The following PSMA5 variants were observed in gnomAD, a reference collection of about 807,000 sequenced individuals.
PSMA5 encodes proteasome subunit alpha type-5.
PSMA5 carries 3 observed loss-of-function variants against 34.5 expected under a neutral mutation model. The observed-to-expected ratio is 0.09, with a 90% confidence interval of 0.04 to 0.22. The LOEUF is 0.22. Ranked by LOEUF, PSMA5 falls within the 10% of genes least tolerant of loss-of-function variation. The probability of loss-of-function intolerance (pLI) is 1.00; values close to 1 mark genes in which losing one functional copy is unlikely to be tolerated. For synonymous variants in PSMA5, 88 were observed against 95.8 expected (o/e 0.92, Z 0.47); for missense variants, 120 against 286.1 (o/e 0.42, Z 4.19).
In PSMA5 at chr1:109,415,217, A is replaced by G; in HGVS notation, c.223+20T>C. On this transcript the variant is annotated intron_variant, in intron 3 of 8. Transcript: ENST00000271308. ...TAACCCAGACCAGATCCTACAGAACAGCTTTCCTCCACTCCTTACCTATGT... is the reference window on the plus strand; with the variant it reads ...TAACCCAGACCAGATCCTACAGAACGGCTTTCCTCCACTCCTTACCTATGT... The G allele has an allele frequency of 6.2e-7, 1 of 1,608,818 alleles. No homozygotes were observed. Among genetic ancestry groups the G allele is most frequent in the South Asian group, 1.1e-5 (1 of 90,250 alleles).
chr1:109,419,128 G>A (rs1654335487), intron 2 of PSMA5, among the ~76,000 whole-genome samples: 1 of 152,104 alleles, frequency 6.6e-6, no homozygotes, highest in East Asian at 1.9e-4. Flanking sequence ...ACTCCAGCCT[G>A]GGCAACAAGA....
At chr1:109,416,068 TAAG>T (rs921053207) in intron 2 of PSMA5, among the ~76,000 whole-genome samples, 11 of 152,082 alleles carry the variant, frequency 7.2e-5, no homozygotes, top group South Asian at 2.1e-4. Context: ...ACAATAATAA[TAAG>T]AAGGGTAAAC....
chr1:109,399,829 A>G lies in PSMA5; in HGVS notation c.*2184T>C, dbSNP rs1469176902. On this transcript the variant is annotated 3_prime_UTR_variant, in exon 9 of 9. Coordinates refer to ENST00000271308, the MANE Select transcript of PSMA5 (RefSeq NM_002790.4). ...TCTAATGAGATTGACATTAAATATA[A>G]AAGTGGCACTGTCAGTTCTCCTTTG... 6.6e-6 allele frequency: 1 copy of G among 152,244 alleles called. No homozygotes were observed. Among genetic ancestry groups the G allele is most frequent in the African/African-American group, 2.4e-5 (1 of 41,472 alleles). The allele number at this position is 152,244 out of a possible 1,614,324, so 9.4% of individuals were successfully genotyped here.
Position 109,401,081 on chromosome 1 carries a change from G to T in PSMA5, c.*932C>A, listed in dbSNP as rs1252053037. The stretch of plus-strand genomic sequence containing the variant: ...TCTTCCCGTGGTAATTTTTGAGGCT[G>T]AGATAGAATGATTCTTTAAACAATC... On this transcript the variant is annotated 3_prime_UTR_variant, in exon 9 of 9. Transcript: ENST00000271308. 6.6e-6 allele frequency: 1 copy of T among 152,218 alleles called. No individual in the cohort carries two copies. Among genetic ancestry groups the T allele is most frequent in the Non-Finnish European group, 1.5e-5 (1 of 68,038 alleles). The allele number at this position is 152,218 out of a possible 1,614,324, so 9.4% of individuals were successfully genotyped here. A position where few individuals can be genotyped will look rare whatever the true frequency, so the allele number is the denominator to read the frequency against.
chr1:109,411,311 C>T (rs1452930930), intron 6 of PSMA5, among the ~76,000 whole-genome samples, 198 bp from the exon 7 acceptor site: 2 of 152,132 alleles, frequency 1.3e-5, no homozygotes, highest in Non-Finnish European at 2.9e-5. Flanking sequence ...AAATTAGTAC[C>T]TTCCTTAGGG....
At chr1:109,412,928 C>A in intron 4 of PSMA5, 140 bp downstream of exon 4, 1 of 670,010 alleles carries the variant, frequency 1.5e-6, no homozygotes, top group African/African-American at 1.8e-5. Flanking sequence ...GAAGTTCTAA[C>A]TGGGAATTCT....
chr1:109,407,789 G>A (rs1045291109), intron 8 of PSMA5, among the ~76,000 whole-genome samples: 3 of 151,836 alleles, frequency 2.0e-5, no homozygotes, highest in Non-Finnish European at 4.4e-5. Flanking sequence ...TTACAGGCAC[G>A]CACCACCACA....
At chr1:109,412,853 T>G in intron 4 of PSMA5, 1 of 452,314 alleles carries the variant, frequency 2.2e-6, no homozygotes, top group South Asian at 4.5e-5. Flanking sequence ...GAAGACACTG[T>G]CAGCACTACT....
chr1:109,425,838 C>T (rs1300868894), intron 1 of PSMA5: 1 of 162,220 alleles, frequency 6.2e-6, no homozygotes, highest in East Asian at 1.8e-4. Context: ...CCAGCCAAAG[C>T]TACGACTGCC....
chr1:109,407,647 T>G (rs986249982), intron 8 of PSMA5, among the ~76,000 whole-genome samples: 1 of 152,148 alleles, frequency 6.6e-6, no homozygotes, highest in African/African-American at 2.4e-5. Flanking sequence ...ATTTTATTTA[T>G]TTATTTTTTG....
rs1299572826 is a variant in PSMA5 at position 109,426,197 on chromosome 1, CGGGTTCCTGGGG to C, written c.29+93_29+104del. Reference sequence around the variant, plus strand: ...TAACATCCCCAGGTCCGGCCAGTCTCGGGTTCCTGGGGAGCCCCATGACACGGCAGAACCCAG... The same window carrying C: ...TAACATCCCCAGGTCCGGCCAGTCTCAGCCCCATGACACGGCAGAACCCAG... On this transcript the variant is annotated intron_variant, in intron 1 of 8. Coordinates refer to ENST00000271308, the MANE Select transcript of PSMA5 (RefSeq NM_002790.4). The C allele has an allele frequency of 3.8e-5, 56 of 1,483,510 alleles. 1 individual carries two copies. The highest frequency in any genetic ancestry group is 5.2e-5 in the Non-Finnish European group (55 of 1,062,828). 91.9% of individuals were successfully genotyped at this position (1,483,510 alleles called of 1,614,324 possible).
chr1:109,407,673 C>G (rs1007862149), intron 8 of PSMA5, among the ~76,000 whole-genome samples: 1 of 152,066 alleles, frequency 6.6e-6, no homozygotes, highest in African/African-American at 2.4e-5. Context: ...GAGTTTCGTG[C>G]TGTTGCCCAG....
rs568363175 is a variant in PSMA5 at position 109,417,244 on chromosome 1, CAG to C, written c.97-1883_97-1882del. Reference sequence around the variant, plus strand: ...CTAAAAAGGCATAAATCCACTATAACAGAGAGTGGGAGAAGACACAGCAACAA... The same window carrying C: ...CTAAAAAGGCATAAATCCACTATAACAGAGTGGGAGAAGACACAGCAACAA... On this transcript the variant is annotated intron_variant, in intron 2 of 8. Transcript: ENST00000271308. Among the ~76,000 whole-genome samples the C allele has an allele frequency of 5.2e-4, 79 of 152,222 alleles. 1 individual carries two copies. Among genetic ancestry groups the C allele is most frequent in the Middle Eastern group, 6.8e-3 (2 of 294 alleles).
intron 8 of PSMA5, among the ~76,000 whole-genome samples, chr1:109,403,678 G>A (rs1185414952): frequency 1.3e-5 from 2 of 151,800 alleles, no homozygotes; most frequent in African/African-American, 2.4e-5. Flanking sequence ...ATATAGTAGG[G>A]CATTTTAAAG....
In PSMA5 at chr1:109,411,081, T is replaced by C. The variant is rs976214592; in HGVS notation, c.491A>G (p.Gln164Arg). ...FHMDPSGTFVQCDARAIGSAS... is the reference protein window; with the variant it reads ...FHMDPSGTFVRCDARAIGSAS... ...AGAGCCAATTGCTCGAGCATCACAC[T>C]GTACAAAGGTCCCAGATGGGTCCAT... The change falls in exon 7 of 9, where the codon CAG becomes CGG. Residue 164 changes from glutamine (Q) to arginine (R), a missense_variant. By Grantham distance (43) the Gln-to-Arg change is conservative. Around this residue, in one of 3 missense-constraint regions of PSMA5, gnomAD observed 83 missense variants for 203.2 expected, o/e 0.41. Transcript: ENST00000271308. 1.9e-6 allele frequency: 3 copies of C among 1,613,466 alleles called. No homozygotes were observed. The highest frequency in any genetic ancestry group is 1.3e-5 in the African/African-American group (1 of 74,912).
intron 2 of PSMA5, among the ~76,000 whole-genome samples, chr1:109,420,078 C>G (rs994568822): frequency 6.6e-6 from 1 of 151,686 alleles, no homozygotes; most frequent in African/African-American, 2.4e-5. Flanking sequence ...TATTGATCAT[C>G]CTAAATTAAG....
chr1:109,400,723 CAGTATGGATTT>C lies in PSMA5; in HGVS notation c.*1279_*1289del, dbSNP rs1398783765. 6.6e-6 allele frequency: 1 copy of C among 152,146 alleles called. No homozygotes were observed. Among genetic ancestry groups the C allele is most frequent in the African/African-American group, 2.4e-5 (1 of 41,428 alleles). The allele number at this position is 152,146 out of a possible 1,614,324, so 9.4% of individuals were successfully genotyped here. A position where few individuals can be genotyped will look rare whatever the true frequency, so the allele number is the denominator to read the frequency against. ...AAACATGTTGTTTTTTGTTGAACTA[CAGTATGGATTT>C]AGTATGAATTCAGCCTATCCAAATA... On this transcript the variant is annotated 3_prime_UTR_variant, in exon 9 of 9. Coordinates refer to ENST00000271308, the MANE Select transcript of PSMA5 (RefSeq NM_002790.4).
At chr1:109,413,503 AG>A (rs971082844) in intron 3 of PSMA5, among the ~76,000 whole-genome samples, 1 of 152,240 alleles carries the variant, frequency 6.6e-6, no homozygotes, top group Non-Finnish European at 1.5e-5. Flanking sequence ...AACAAGGAAA[AG>A]AAAATCACCT....
At chr1:109,403,418 G>A (rs1244725745) in intron 8 of PSMA5, among the ~76,000 whole-genome samples, 1 of 151,564 alleles carries the variant, frequency 6.6e-6, no homozygotes, top group Non-Finnish European at 1.5e-5. Context: ...GAGCCCGAGA[G>A]TCAAAAACCA....
Sources: allele counts gnomAD v4.1 joint callset (sites outside exome capture counted in the v4.1 genomes callset), GRCh38; gene constraint gnomAD v4.1.1; regional missense constraint gnomAD v4.1.1; transcripts MANE v1.5; gene names NCBI Gene and HGNC (gene_info 2026-07-23, HGNC 2026-07-21).